Variants in TMEM132C observed in about 807,000 individuals in gnomAD.
TMEM132C encodes the protein transmembrane protein 132C.
Under a neutral mutation model 61.4 loss-of-function variants are expected in TMEM132C, and 29 were observed. That is an observed-to-expected ratio of 0.47 (90% confidence interval 0.35 to 0.64). TMEM132C has a LOEUF of 0.64. Ranked by LOEUF, TMEM132C falls within the 30% of genes least tolerant of loss-of-function variation. TMEM132C has a pLI of 0.00. For synonymous variants in TMEM132C, 656 were observed against 633.1 expected (o/e 1.04, Z -0.54); for missense variants, 1,408 against 1,476.9 (o/e 0.95, Z 0.76).
At chr12:128,555,115 G>A (rs535026010) in intron 3 of TMEM132C, among the ~76,000 whole-genome samples, 2 of 152,226 alleles carry the variant, frequency 1.3e-5, no homozygotes, top group African/African-American at 4.8e-5. Flanking sequence ...AGTAAATCAG[G>A]CAGGTAATAA....
chr12:128,530,984 G>A (rs1426067648), intron 2 of TMEM132C, among the ~76,000 whole-genome samples: 1 of 152,176 alleles, frequency 6.6e-6, no homozygotes, highest in South Asian at 2.1e-4. Flanking sequence ...GAACACCACT[G>A]GTTGGTTCAT....
At chr12:128,481,713 G>A (rs559773746) in intron 2 of TMEM132C, among the ~76,000 whole-genome samples, 1 of 152,192 alleles carries the variant, frequency 6.6e-6, no homozygotes, top group Non-Finnish European at 1.5e-5. Flanking sequence ...GACATCCATG[G>A]TTTGGTGCCA....
chr12:128,664,127 C>T lies in TMEM132C; in HGVS notation c.1306-5290C>T, dbSNP rs1364731257. Among the ~76,000 whole-genome samples the T allele has an allele frequency of 6.0e-5, 9 of 149,292 alleles. No individual in the cohort carries two copies. The South Asian group carries it at 6.4e-4, about 11-fold the overall frequency. On this transcript the variant is annotated intron_variant, in intron 4 of 8. Coordinates refer to ENST00000435159, the MANE Select transcript of TMEM132C (RefSeq NM_001136103.3). ...ACAGGCACACGCACCCGCACGCACGCGGGCACTCACACAGGCACACACACA... is the reference window on the plus strand; with the variant it reads ...ACAGGCACACGCACCCGCACGCACGTGGGCACTCACACAGGCACACACACA...
Position 128,697,354 on chromosome 12 carries a change from A to C in TMEM132C, c.2060A>C (p.Glu687Ala). ...TCTGTCGCCCTTTACCCCAACGCAG[A>C]AAACAGCAAGGCCGTAACAGCTGTG... ...GLSVALYPNA[E>A]NSKAVTAVVT... is the part of the protein sequence containing the mutation. Residue 687 changes from glutamate (E) to alanine (A), a missense_variant, in exon 8 of 9, where the codon GAA becomes GCA. Transcript: ENST00000435159. The C allele has an allele frequency of 6.4e-7, 1 of 1,551,340 alleles. No homozygotes were observed. Among genetic ancestry groups the C allele is most frequent in the Non-Finnish European group, 8.7e-7 (1 of 1,146,742 alleles).
chr12:128,268,171 C>T (rs894948928), intron 1 of TMEM132C, among the ~76,000 whole-genome samples: 5 of 152,222 alleles, frequency 3.3e-5, no homozygotes, highest in African/African-American at 9.6e-5. Context: ...ACTACCTCAC[C>T]AGCGGTCCTG....
At chr12:128,387,518 AAAAC>A (rs1423229868) in intron 1 of TMEM132C, among the ~76,000 whole-genome samples, 2 of 152,230 alleles carry the variant, frequency 1.3e-5, no homozygotes, top group Non-Finnish European at 2.9e-5. Context: ...ATTATGATGA[AAAAC>A]AAAAATCAGC....
chr12:128,466,743 C>T (rs1870749786), intron 2 of TMEM132C, among the ~76,000 whole-genome samples: 1 of 152,120 alleles, frequency 6.6e-6, no homozygotes, highest in Non-Finnish European at 1.5e-5. Context: ...GTCTTGAACT[C>T]TTGGGGTCAG....
At chr12:128,399,564 C>G (rs535546661) in intron 1 of TMEM132C, among the ~76,000 whole-genome samples, 1 of 152,138 alleles carries the variant, frequency 6.6e-6, no homozygotes, top group South Asian at 2.1e-4. Flanking sequence ...GTTTTGGAGG[C>G]ACAGTAAAAA....
At chr12:128,528,595 C>T (rs1418274462) in intron 2 of TMEM132C, among the ~76,000 whole-genome samples, 1 of 152,090 alleles carries the variant, frequency 6.6e-6, no homozygotes, top group African/African-American at 2.4e-5. Context: ...TATCTGGGGC[C>T]AGATAATTCT....
rs188095658 is a variant in TMEM132C, at chr12:128,269,626, A to G, written c.85+2139A>G. On this transcript the variant is annotated intron_variant, in intron 1 of 8. Transcript: ENST00000435159. ...TTCTTTCCCTGCTTTTTGCTTTACA[A>G]AGTTCACCACGTGATTTGGGGGTGC... Among the ~76,000 whole-genome samples the G allele has an allele frequency of 1.6e-3, 244 of 152,202 alleles. 1 individual carries two copies. The highest frequency in any genetic ancestry group is 2.6e-3 in the Non-Finnish European group (175 of 68,006).
chr12:128,475,989 C>T (rs1593067120), intron 2 of TMEM132C, among the ~76,000 whole-genome samples: 1 of 152,212 alleles, frequency 6.6e-6, no homozygotes. Context: ...GTCTGCCCTA[C>T]CAGTGACTTT....
chr12:128,359,377 T>A (rs1873623690), intron 1 of TMEM132C, among the ~76,000 whole-genome samples: 1 of 152,172 alleles, frequency 6.6e-6, no homozygotes, highest in African/African-American at 2.4e-5. Flanking sequence ...CTGGCAAGAC[T>A]TATTCACTAC....
At chr12:128,564,652 C>T (rs538340294) in intron 3 of TMEM132C, among the ~76,000 whole-genome samples, 1 of 152,310 alleles carries the variant, frequency 6.6e-6, no homozygotes, top group Admixed American at 6.5e-5. Flanking sequence ...AAAATCAGTT[C>T]TGCCACTTAC....
chr12:128,341,420 A>C (rs1872974586), intron 1 of TMEM132C, among the ~76,000 whole-genome samples: 1 of 152,210 alleles, frequency 6.6e-6, no homozygotes, highest in South Asian at 2.1e-4. Flanking sequence ...TGTCATTGCT[A>C]ATCATTTATC....
intron 1 of TMEM132C, among the ~76,000 whole-genome samples, chr12:128,344,600 A>T (rs925220519): frequency 6.6e-6 from 1 of 152,186 alleles, no homozygotes; most frequent in African/African-American, 2.4e-5. Flanking sequence ...AATGAAAGAG[A>T]TGTCCAATTT....
intron 1 of TMEM132C, among the ~76,000 whole-genome samples, chr12:128,291,398 G>C (rs1000226902): frequency 6.6e-6 from 1 of 152,202 alleles, no homozygotes; most frequent in African/African-American, 2.4e-5. Flanking sequence ...ACAGTGCCAG[G>C]TGCCCTTTTC....
At chr12:128,442,441 C>T (rs767931085) in intron 2 of TMEM132C, among the ~76,000 whole-genome samples, 1 of 152,150 alleles carries the variant, frequency 6.6e-6, no homozygotes, top group Non-Finnish European at 1.5e-5. Context: ...CAGTAATATC[C>T]AGGTGGACCC....
rs539059914 is a variant in TMEM132C at position 128,622,230 on chromosome 12, G to A, written c.1305+5895G>A. On this transcript the variant is annotated intron_variant, in intron 4 of 8. Transcript: ENST00000435159. ...ATGGCAGCACGTGCCTGTATTCCCAGCTACTCGGGAGGCTGAGGCAGGAGA... is the reference window on the plus strand; with the variant it reads ...ATGGCAGCACGTGCCTGTATTCCCAACTACTCGGGAGGCTGAGGCAGGAGA... Among the ~76,000 whole-genome samples the A allele has an allele frequency of 9.3e-4, 140 of 150,200 alleles. 1 individual carries two copies. The highest frequency in any genetic ancestry group is 1.5e-3 in the Non-Finnish European group (102 of 67,626).
intron 2 of TMEM132C, among the ~76,000 whole-genome samples, chr12:128,425,235 C>T (rs1869140217): frequency 6.6e-6 from 1 of 152,256 alleles, no homozygotes; most frequent in Non-Finnish European, 1.5e-5. Context: ...CTGATGCAAA[C>T]TCCCCACCTG....
Sources: allele counts gnomAD v4.1 joint callset (sites outside exome capture counted in the v4.1 genomes callset), GRCh38; gene constraint gnomAD v4.1.1; transcripts MANE v1.5; gene names NCBI Gene and HGNC (gene_info 2026-07-23, HGNC 2026-07-21).